Variants in EFCAB7 observed in about 807,000 individuals in gnomAD.
EFCAB7 encodes the protein EF-hand calcium-binding domain-containing protein 7.
EFCAB7 carries 66 observed loss-of-function variants against 77.1 expected under a neutral mutation model. The observed-to-expected ratio is 0.86, with a 90% CI of 0.70 to 1.05. EFCAB7 has a LOEUF of 1.05. EFCAB7 is among the 50% of genes least tolerant of loss of function. The pLI is 0.00. For missense variants in EFCAB7, 638 were observed against 730.5 expected (o/e 0.87, Z 1.46); for synonymous variants, 225 against 243.3 (o/e 0.92, Z 0.70).
At chr1:63,533,800 A>G (rs1309007940) in intron 5 of EFCAB7, 151 bp downstream of exon 5, 3 of 671,352 alleles carry the variant, frequency 4.5e-6, no homozygotes, top group Non-Finnish European at 6.9e-6. Flanking sequence ...AGCTGTAAAA[A>G]TCTATTGAAG....
chr1:63,528,527 T>TA (rs1187108438), intron 2 of EFCAB7, among the ~76,000 whole-genome samples: 2 of 151,694 alleles, frequency 1.3e-5, no homozygotes, highest in Non-Finnish European at 2.9e-5. Flanking sequence ...GTGACACTAG[T>TA]AAAAAAAATC....
chr1:63,535,394 G>T (rs1277081970), intron 6 of EFCAB7, among the ~76,000 whole-genome samples: 2 of 151,908 alleles, frequency 1.3e-5, no homozygotes, highest in African/African-American at 4.8e-5. Context: ...GTATACCAAG[G>T]ACTACCTTGG....
chr1:63,525,795 T>G, intron 2 of EFCAB7, 36 bp downstream of exon 2: 1 of 1,401,994 alleles, frequency 7.1e-7, no homozygotes, highest in Non-Finnish European at 9.6e-7. Context: ...TTCACCTTTT[T>G]GTTGAAAGTT....
intron 10 of EFCAB7, among the ~76,000 whole-genome samples, chr1:63,559,021 GA>G (rs112813882): frequency 0.015 from 1,883 of 123,334 alleles, 36 homozygotes; most frequent in African/African-American, 0.048. Flanking sequence ...CTCTTAAAAA[GA>G]AAAAAAAAAA....
chr1:63,545,768 T>G (rs899274100), intron 6 of EFCAB7, 148 bp from the exon 7 acceptor site: 15 of 710,478 alleles, frequency 2.1e-5, no homozygotes, highest in Non-Finnish European at 3.5e-5. Flanking sequence ...ATGTCTGTTT[T>G]CTACCTCCTA....
intron 7 of EFCAB7, chr1:63,549,705 C>A: frequency 3.8e-6 from 1 of 259,744 alleles, no homozygotes; most frequent in Non-Finnish European, 7.6e-6. Context: ...TTACACATGT[C>A]AAGGGATTAC....
At chr1:63,538,335 G>T (rs1646787129) in intron 6 of EFCAB7, among the ~76,000 whole-genome samples, 1 of 152,028 alleles carries the variant, frequency 6.6e-6, no homozygotes, top group Non-Finnish European at 1.5e-5. Context: ...TGATTTATTT[G>T]AATGAGCCAG....
At chr1:63,541,218 A>G (rs1646824861) in intron 6 of EFCAB7, among the ~76,000 whole-genome samples, 1 of 152,212 alleles carries the variant, frequency 6.6e-6, no homozygotes, top group Non-Finnish European at 1.5e-5. Flanking sequence ...ATGGAATACC[A>G]TAATGAATGC....
At chr1:63,561,940 C>T (rs1343338440) in intron 11 of EFCAB7, 83 bp downstream of exon 11, 10 of 1,039,704 alleles carry the variant, frequency 9.6e-6, no homozygotes, top group South Asian at 3.5e-5. Context: ...ATATAACTTT[C>T]GAATTGGGCA....
At chr1:63,584,216 T>C in the EFCAB7 span, among the ~76,000 whole-genome samples, 7 of 152,146 alleles carry the variant, frequency 4.6e-5, no homozygotes, top group Non-Finnish European at 7.3e-5. Flanking sequence ...GATTGTACTG[T>C]ATAGAAACAT....
rs1209016742 is a variant in EFCAB7, at chr1:63,571,091, A to T, written c.1778A>T (p.Asn593Ile). ...SKNCINNRGL[N>I]IFAVEVGPKS... ...AACTGCATAAACAACAGAGGACTCA[A>T]CATATTTGCAGTAGAAGTGGGACCC... is the stretch of plus-strand genomic sequence containing the variant. Residue 593 changes from asparagine (N) to isoleucine (I), a missense_variant, in exon 13 of 14, where the codon AAC becomes ATC. By Grantham distance (149) the Asn-to-Ile change is moderately radical. Coordinates refer to ENST00000371088, the MANE Select transcript of EFCAB7 (RefSeq NM_032437.4). 3.7e-6 allele frequency: 6 copies of T among 1,611,660 alleles called. No individual in the cohort carries two copies. In the East Asian group the frequency reaches 1.1e-4, roughly 30 times the overall value.
chr1:63,544,457 G>A (rs1305828040), intron 6 of EFCAB7, among the ~76,000 whole-genome samples: 2 of 152,166 alleles, frequency 1.3e-5, no homozygotes, highest in East Asian at 3.9e-4. Flanking sequence ...CTGTCACCCA[G>A]GCTGGAGTGC....
rs769269026 is a variant in EFCAB7 at position 63,525,759 on chromosome 1, G to T, written c.187G>T (p.Ala63Ser). The T allele has an allele frequency of 1.9e-5, 30 of 1,545,848 alleles. No homozygotes were observed. The East Asian group carries it at 6.9e-4, about 36-fold the overall frequency. Residue 63 changes from alanine to serine, a missense_variant and splice_region_variant, in exon 2 of 14, where the codon GCT becomes TCT. Transcript: ENST00000371088. ...NIISKDQLYL[A>S]LQHAGRNPSQ... is the part of the protein sequence containing the mutation. ...TATTTCTAAAGATCAACTTTACTTAGGTAAATTTTTAAAATTTTTAAATCT... is the reference window on the plus strand; with the variant it reads ...TATTTCTAAAGATCAACTTTACTTATGTAAATTTTTAAAATTTTTAAATCT...
In EFCAB7 at chr1:63,542,556, A is replaced by T. The variant is rs560381895; in HGVS notation, c.805-3360A>T. ...ATTATTCACAATGCTTCACCATTTTATGCATTTTATGTTCCTATCAACAAT... is the reference window on the plus strand; with the variant it reads ...ATTATTCACAATGCTTCACCATTTTTTGCATTTTATGTTCCTATCAACAAT... On this transcript the variant is annotated intron_variant, in intron 6 of 13. Transcript: ENST00000371088. Among the ~76,000 whole-genome samples, 56 of 152,282 alleles carry T rather than the reference A, an allele frequency of 3.7e-4. 2 individuals carry two copies. The East Asian group carries it at 9.5e-3, about 26-fold the overall frequency.
At chr1:63,581,413 T>C in the EFCAB7 span, among the ~76,000 whole-genome samples, 1 of 148,770 alleles carries the variant, frequency 6.7e-6, no homozygotes, top group African/African-American at 2.5e-5. Context: ...AAAGGGTGGA[T>C]GCTCAATGTT....
intron 1 of EFCAB7, among the ~76,000 whole-genome samples, chr1:63,524,325 A>G (rs539050991): frequency 1.9e-4 from 29 of 152,202 alleles, no homozygotes; most frequent in Non-Finnish European, 3.2e-4. Context: ...AGTATTACCA[A>G]TTTGCAGTAA....
intron 2 of EFCAB7, chr1:63,527,831 A>G (rs1316535794): frequency 3.3e-5 from 5 of 152,244 alleles, no homozygotes; most frequent in Non-Finnish European, 5.9e-5. Context: ...TACTAAAGAT[A>G]GCAGCAAGCA....
chr1:63,557,276 G>A (rs1021262068), intron 10 of EFCAB7, 29 bp downstream of exon 10: 2 of 1,570,016 alleles, frequency 1.3e-6, no homozygotes, highest in East Asian at 2.3e-5. Flanking sequence ...CTTAACAGAT[G>A]TATAAAAATA....
At chr1:63,535,511 T>A (rs1334786073) in intron 6 of EFCAB7, among the ~76,000 whole-genome samples, 2 of 152,100 alleles carry the variant, frequency 1.3e-5, no homozygotes, top group African/African-American at 4.8e-5. Flanking sequence ...ATTAGTGATC[T>A]AGAGTTTTGG....
Sources: allele counts gnomAD v4.1 joint callset (sites outside exome capture counted in the v4.1 genomes callset), GRCh38; gene constraint gnomAD v4.1.1; transcripts MANE v1.5; gene names NCBI Gene and HGNC (gene_info 2026-07-23, HGNC 2026-07-21).